PCDHGA5: variants seen among roughly 807,000 people sequenced by gnomAD.
PCDHGA5 encodes protocadherin gamma subfamily A, 5.
In PCDHGA5, 36 loss-of-function variants were observed where a neutral mutation model predicts 56.7. The observed-to-expected ratio is 0.64, with a 90% CI of 0.49 to 0.84. PCDHGA5 has a LOEUF of 0.84. PCDHGA5 is among the 40% of genes least tolerant of loss of function. The pLI, the probability that PCDHGA5 is intolerant of heterozygous loss-of-function variation, is 0.00. For synonymous variants in PCDHGA5, 563 were observed against 520.2 expected (o/e 1.08, Z -1.12); for missense variants, 1,305 against 1,201.5 (o/e 1.09, Z -1.27).
chr5:141,444,545 CA>C (rs1264288836), intron 1 of PCDHGA5, among the ~76,000 whole-genome samples: 7 of 152,042 alleles, frequency 4.6e-5, no homozygotes, highest in Admixed American at 6.6e-5. Flanking sequence ...GTCTAGTGAG[CA>C]AAAGGCACTT....
chr5:141,423,230 G>A (rs1223173152), intron 1 of PCDHGA5: 1 of 1,613,872 alleles, frequency 6.2e-7, no homozygotes, highest in East Asian at 2.2e-5. Flanking sequence ...GTGGCCGACA[G>A]CATCCCCGAA....
rs762783104 is a variant in PCDHGA5 at position 141,485,601 on chromosome 5, G to A, written c.2422-9206G>A. 4.3e-6 allele frequency: 7 copies of A among 1,612,290 alleles called. No homozygotes were observed. The highest frequency in any genetic ancestry group is 5.9e-6 in the Non-Finnish European group (7 of 1,178,722). On this transcript the variant is annotated intron_variant, in intron 1 of 3. Transcript: ENST00000518069. The surrounding 1 kb of genome is among the most constrained non-coding windows in gnomAD (Gnocchi z 5.7). ...CGGCAGCAGCTGGACTTGGAAATTG[G>A]GGAGGCAGCTCCTCCAGGACAGCGT...
At chr5:141,420,817 A>G (rs547074952) in intron 1 of PCDHGA5, among the ~76,000 whole-genome samples, 2 of 152,354 alleles carry the variant, frequency 1.3e-5, no homozygotes, top group South Asian at 2.1e-4. Flanking sequence ...AGCCCTTTTA[A>G]TAATTACTCC....
chr5:141,443,588 A>T (rs1479393074), intron 1 of PCDHGA5, among the ~76,000 whole-genome samples: 3 of 152,240 alleles, frequency 2.0e-5, no homozygotes, highest in Non-Finnish European at 4.4e-5. Context: ...CTAAAACAGA[A>T]TGTGGTATAT....
At chr5:141,466,027 CAGG>C (rs1174989171) in intron 1 of PCDHGA5, among the ~76,000 whole-genome samples, 1 of 151,890 alleles carries the variant, frequency 6.6e-6, no homozygotes, top group African/African-American at 2.4e-5. Context: ...GAGGGTGAGG[CAGG>C]AGAACGGCAT....
chr5:141,406,258 G>C (rs895877034), intron 1 of PCDHGA5, among the ~76,000 whole-genome samples: 13 of 151,882 alleles, frequency 8.6e-5, no homozygotes, highest in South Asian at 2.1e-4. Flanking sequence ...GGTCTCAAAC[G>C]ATCTTCCTGC....
Position 141,364,548 on chromosome 5 carries a change from A to G in PCDHGA5, c.218A>G (p.Gln73Arg). 3.1e-6 allele frequency: 5 copies of G among 1,614,106 alleles called. No individual in the cohort carries two copies. The highest frequency in any genetic ancestry group is 4.2e-6 in the Non-Finnish European group (5 of 1,179,950). The stretch of plus-strand genomic sequence containing the variant: ...CGCATCGTCTCCAGAGGTAGGACGC[A>G]GCTTTTTGCCCTGAACCCGCGAAGC... ...GVRIVSRGRTQLFALNPRSGS... is the reference protein window; with the variant it reads ...GVRIVSRGRTRLFALNPRSGS... The change falls in exon 1 of 4, where the codon CAG (glutamine) becomes CGG (arginine). Residue 73 changes from glutamine (Q) to arginine (R), a missense_variant. Coordinates refer to ENST00000518069, the MANE Select transcript of PCDHGA5 (RefSeq NM_018918.3).
chr5:141,485,358 G>A lies in PCDHGA5; in HGVS notation c.2422-9449G>A, dbSNP rs372994272. The A allele has an allele frequency of 1.2e-6, 2 of 1,614,100 alleles. No homozygotes were observed. Among genetic ancestry groups the A allele is most frequent in the Admixed American group, 3.3e-5 (2 of 60,002 alleles). ...CTGGATACGGACAGTCTGTCAGCTC[G>A]CAGGCTGCAGGTCGCTGGAGAGGTG... is the stretch of plus-strand genomic sequence containing the variant. On this transcript the variant is annotated intron_variant, in intron 1 of 3. Transcript: ENST00000518069. This position sits in a 1 kb window ranked among gnomAD's most constrained non-coding sequence, Gnocchi z 5.7.
chr5:141,379,295 G>A (rs928710321), intron 1 of PCDHGA5: 3 of 152,044 alleles, frequency 2.0e-5, no homozygotes, highest in African/African-American at 7.2e-5. Context: ...AGTTTCCAAA[G>A]GTATATACCT....
Position 141,431,559 on chromosome 5 carries a change from C to A in PCDHGA5, c.2422-63248C>A. On this transcript the variant is annotated intron_variant, in intron 1 of 3. Coordinates refer to ENST00000518069, the MANE Select transcript of PCDHGA5 (RefSeq NM_018918.3). The surrounding 1 kb of genome is among the most constrained non-coding windows in gnomAD (Gnocchi z 4.8). ...ACGCAGCTGCTTGTAGTCAACGCTA[C>A]CGACCCTGACGAAGGAGTCAATGCG... is the stretch of plus-strand genomic sequence containing the variant. 6.2e-7 allele frequency: 1 copy of A among 1,614,158 alleles called. No homozygotes were observed. The highest frequency in any genetic ancestry group is 8.5e-7 in the Non-Finnish European group (1 of 1,180,030).
chr5:141,455,593 C>G (rs957677108), intron 1 of PCDHGA5, among the ~76,000 whole-genome samples: 19 of 152,068 alleles, frequency 1.2e-4, no homozygotes, highest in African/African-American at 4.6e-4. Context: ...AATATGCAAA[C>G]GTAGGGCGCC....
rs764389909 is a variant in PCDHGA5, at chr5:141,491,064, ACTGTTG to A, written c.2422-3741_2422-3736del. On this transcript the variant is annotated intron_variant, in intron 1 of 3. Transcript: ENST00000518069. The surrounding 1 kb of genome is among the most constrained non-coding windows in gnomAD (Gnocchi z 6.9). ...GCCACAATGCGTGGCTCTCCTACTCACTGTTGCCACAGTCCACAGCCCCAGGACTGT... is the reference window on the plus strand; with the variant it reads ...GCCACAATGCGTGGCTCTCCTACTCACCACAGTCCACAGCCCCAGGACTGT... 1.2e-6 allele frequency: 2 copies of A among 1,613,962 alleles called. No homozygotes were observed. Among genetic ancestry groups the A allele is most frequent in the Admixed American group, 3.3e-5 (2 of 60,010 alleles).
Position 141,490,027 on chromosome 5 carries a change from CG to C in PCDHGA5, c.2422-4779del. The C allele has an allele frequency of 6.2e-7, 1 of 1,614,214 alleles. No individual in the cohort carries two copies. Among genetic ancestry groups the C allele is most frequent in the Admixed American group, 1.7e-5 (1 of 60,032 alleles). On this transcript the variant is annotated intron_variant, in intron 1 of 3. Transcript: ENST00000518069. The surrounding 1 kb of genome is among the most constrained non-coding windows in gnomAD (Gnocchi z 5.4). Reference sequence around the variant, plus strand: ...TGCACCCATTGGTACTCTGCTGCTCCGCCTCAATGCCACTGATCCAGACGAG... The same window carrying C: ...TGCACCCATTGGTACTCTGCTGCTCCCCTCAATGCCACTGATCCAGACGAG...
chr5:141,397,700 G>A (rs2093557870), intron 1 of PCDHGA5, among the ~76,000 whole-genome samples: 2 of 152,224 alleles, frequency 1.3e-5, no homozygotes, highest in Admixed American at 1.3e-4. Flanking sequence ...AAAACCCAAC[G>A]TGATATTTCT....
At chr5:141,413,109 A>G in intron 1 of PCDHGA5, 2 of 1,498,490 alleles carry the variant, frequency 1.3e-6, no homozygotes, top group African/African-American at 1.4e-5. Flanking sequence ...ACAGAAAGAC[A>G]AAGGAACCGG....
chr5:141,436,931 G>A (rs1026520169), intron 1 of PCDHGA5, among the ~76,000 whole-genome samples: 1 of 152,114 alleles, frequency 6.6e-6, no homozygotes, highest in Non-Finnish European at 1.5e-5. Context: ...CTTTTTCTTT[G>A]TCTGAACCAT....
chr5:141,492,384 C>G (rs1001189412), intron 1 of PCDHGA5, among the ~76,000 whole-genome samples: 1 of 152,230 alleles, frequency 6.6e-6, no homozygotes, highest in Non-Finnish European at 1.5e-5. Context: ...AGGCCTGTTC[C>G]GGTCCACTCG....
chr5:141,459,795 C>T (rs1394778891), intron 1 of PCDHGA5, among the ~76,000 whole-genome samples: 1 of 152,190 alleles, frequency 6.6e-6, no homozygotes, highest in Non-Finnish European at 1.5e-5. Flanking sequence ...AACTGTTTTT[C>T]CCTGTTGACT....
chr5:141,504,848 C>G (rs181277525), intron 2 of PCDHGA5, among the ~76,000 whole-genome samples: 1 of 152,236 alleles, frequency 6.6e-6, no homozygotes, highest in Non-Finnish European at 1.5e-5. Context: ...CTGGAACATT[C>G]TCTTCCATTT....
Sources: allele counts gnomAD v4.1 joint callset (sites outside exome capture counted in the v4.1 genomes callset), GRCh38; gene constraint gnomAD v4.1.1; non-coding constraint Gnocchi (gnomAD v3.1); transcripts MANE v1.5; gene names NCBI Gene and HGNC (gene_info 2026-07-23, HGNC 2026-07-21).